RNF166: variants seen among roughly 807,000 people sequenced by gnomAD.
The protein encoded by RNF166 is E3 ubiquitin-protein ligase RNF166.
In RNF166, 19 loss-of-function variants were observed where a neutral mutation model predicts 29.4. That is an observed-to-expected ratio of 0.65 (90% CI 0.45 to 0.95). The LOEUF is 0.95. Among genes scored for constraint, RNF166 ranks in the 40% least tolerant of loss-of-function variants. The pLI, the probability that RNF166 is intolerant of heterozygous loss-of-function variation, is 0.00. For synonymous variants in RNF166, 171 were observed against 134.5 expected, an observed-to-expected ratio of 1.27 and a Z score of -1.88; for missense variants, 347 against 322.1, an observed-to-expected ratio of 1.08 and a Z score of -0.59.
chr16:88,701,520 CA>C (rs1597407993), intron 1 of RNF166, 102 bp from the exon 2 acceptor site: 1 of 1,143,998 alleles, frequency 8.7e-7, no homozygotes, highest in Non-Finnish European at 1.2e-6. Flanking sequence ...GTGGGGTCCA[CA>C]GGGGCAGCTC....
chr16:88,700,853 C>T (rs751883344), intron 2 of RNF166: 244 of 1,070,788 alleles, frequency 2.3e-4, no homozygotes, highest in Non-Finnish European at 2.7e-4. Context: ...GGAGGGTGCT[C>T]GGCCCTTAGA....
At position 88,699,767 on chromosome 16, in the gene RNF166, G is replaced by A. The variant is rs370730525; in HGVS notation, c.313-35C>T. The A allele has an allele frequency of 3.9e-6, 6 of 1,544,150 alleles. No individual in the cohort carries two copies. The African/African-American group carries it at 8.2e-5, about 21-fold the overall frequency. ...AGGGCAGGGAGGGCAAGGCGGTCCT[G>A]AGAATCTGGAAGGGCCGTCCTGGGG... On this transcript the variant is annotated intron_variant, in intron 2 of 5. Transcript: ENST00000312838.
intron 1 of RNF166, among the ~76,000 whole-genome samples, chr16:88,705,023 C>A (rs965660560): frequency 2.0e-5 from 3 of 152,212 alleles, no homozygotes; most frequent in Admixed American, 6.5e-5. Flanking sequence ...AGGCTGCCCC[C>A]CCAAAATGTC....
At chr16:88,702,486 C>T (rs1004186839) in intron 1 of RNF166, among the ~76,000 whole-genome samples, 5 of 152,198 alleles carry the variant, frequency 3.3e-5, no homozygotes, top group African/African-American at 1.2e-4. Flanking sequence ...AATTCAGGGC[C>T]AGAGTCCTCT....
At position 88,699,744 on chromosome 16, in the gene RNF166, G is replaced by C; in HGVS notation, c.313-12C>G. 1 of 1,603,678 alleles carries C rather than the reference G, an allele frequency of 6.2e-7. No individual in the cohort carries two copies. Among genetic ancestry groups the C allele is most frequent in the Non-Finnish European group, 8.5e-7 (1 of 1,172,488 alleles). On this transcript the variant is annotated splice_polypyrimidine_tract_variant and intron_variant, in intron 2 of 5. Coordinates refer to ENST00000312838, the MANE Select transcript of RNF166 (RefSeq NM_178841.4). ...TTTGCCAGGGTCACCTAGGAGACAG[G>C]GCAGGGAGGGCAAGGCGGTCCTGAG...
chr16:88,701,377 G>T lies in RNF166; in HGVS notation c.197C>A (p.Ser66Tyr). ...ECLQPCLQVP[S>Y]PLCPLCRLPF... ...CAGGCGGCAGAGTGGGCACAGCGGG[G>T]ATGGCACCTGCAGGCAGGGCTGGAG... is the stretch of plus-strand genomic sequence containing the variant. Residue 66 changes from serine (S) to tyrosine (Y), a missense_variant, in exon 2 of 6, where the codon TCC becomes TAC. Ser to Tyr is a moderately radical substitution (Grantham distance 144). Coordinates refer to ENST00000312838, the MANE Select transcript of RNF166 (RefSeq NM_178841.4). 6.2e-7 allele frequency: 1 copy of T among 1,611,864 alleles called. No individual in the cohort carries two copies. The highest frequency in any genetic ancestry group is 8.5e-7 in the Non-Finnish European group (1 of 1,179,554).
chr16:88,698,184 G>A (rs752284266), intron 5 of RNF166: 21 of 606,650 alleles, frequency 3.5e-5, no homozygotes, highest in African/African-American at 1.5e-4. Flanking sequence ...TCCTTCCCGC[G>A]CTCTCTAGAA....
intron 5 of RNF166, chr16:88,697,902 C>G: frequency 2.0e-6 from 1 of 491,324 alleles, no homozygotes; most frequent in East Asian, 3.5e-5. Flanking sequence ...CCGGGGTTTC[C>G]GAGGTGAGCA....
At chr16:88,704,710 C>T (rs1910593452) in intron 1 of RNF166, among the ~76,000 whole-genome samples, 1 of 152,216 alleles carries the variant, frequency 6.6e-6, no homozygotes, top group African/African-American at 2.4e-5. Context: ...GGAAGTCCTG[C>T]CAGGCGCGGT....
Position 88,702,998 on chromosome 16 carries a change from C to T in RNF166, c.156-1580G>A, listed in dbSNP as rs187459038. The T allele has an allele frequency of 1.1e-4, 108 of 985,582 alleles. 1 individual carries two copies. The highest frequency in any genetic ancestry group is 9.8e-4 in the Admixed American group (16 of 16,284). The allele number at this position is 985,582 out of a possible 1,614,324, so 61.1% of individuals were successfully genotyped here. A position where few individuals can be genotyped will look rare whatever the true frequency, so the allele number is the denominator to read the frequency against. ...GCCCGTCGGTAAACGGATGAAGAGA[C>T]GGCGTGGCGTGCACACCCATGGAAA... On this transcript the variant is annotated intron_variant, in intron 1 of 5. Transcript: ENST00000312838.
At chr16:88,699,107 G>C in intron 3 of RNF166, 22 bp from the exon 4 acceptor site, 10 of 1,500,044 alleles carry the variant, frequency 6.7e-6, no homozygotes, top group Non-Finnish European at 9.2e-6. Flanking sequence ...GGGGTAGAGT[G>C]AGTGGCACGG....
chr16:88,706,164 C>T lies in RNF166; in HGVS notation c.155+7G>A. ...CCTCCCCGCGGCCCCTGGGCGGGCG[C>T]GCTCACGTGTGGCCGCAGCTGCCGA... On this transcript the variant is annotated splice_region_variant and intron_variant, in intron 1 of 5. Transcript: ENST00000312838. 1.6e-6 allele frequency: 2 copies of T among 1,218,666 alleles called. No homozygotes were observed. Among genetic ancestry groups the T allele is most frequent in the Non-Finnish European group, 2.0e-6 (2 of 977,686 alleles). 75.5% of individuals were successfully genotyped at this position (1,218,666 alleles called of 1,614,324 possible). A position where few individuals can be genotyped will look rare whatever the true frequency, so the allele number is the denominator to read the frequency against.
Position 88,706,162 on chromosome 16 carries a change from C to A in RNF166, c.155+9G>T. 2 of 1,209,746 alleles carry A rather than the reference C, an allele frequency of 1.7e-6. No homozygotes were observed. The highest frequency in any genetic ancestry group is 2.1e-6 in the Non-Finnish European group (2 of 973,468). The allele number at this position is 1,209,746 out of a possible 1,614,324, so 74.9% of individuals were successfully genotyped here. On this transcript the variant is annotated intron_variant, in intron 1 of 5. Coordinates refer to ENST00000312838, the MANE Select transcript of RNF166 (RefSeq NM_178841.4). ...CCCCTCCCCGCGGCCCCTGGGCGGG[C>A]GCGCTCACGTGTGGCCGCAGCTGCC... is the stretch of plus-strand genomic sequence containing the variant.
intron 1 of RNF166, chr16:88,703,432 G>A: frequency 1.0e-6 from 1 of 985,492 alleles, no homozygotes; most frequent in South Asian, 4.7e-5. Flanking sequence ...GGTTGGCTGG[G>A]AGGAAGACAG....
At position 88,698,613 on chromosome 16, in the gene RNF166, G is replaced by C. The variant is rs377676787; in HGVS notation, c.541-4C>G. On this transcript the variant is annotated splice_polypyrimidine_tract_variant and splice_region_variant and intron_variant, in intron 4 of 5. Coordinates refer to ENST00000312838, the MANE Select transcript of RNF166 (RefSeq NM_178841.4). ...TTGCCGAGCAGATGGGGCACACCTGGAACAGGCACTGGGGTCAAGCCGAGC... is the reference window on the plus strand; with the variant it reads ...TTGCCGAGCAGATGGGGCACACCTGCAACAGGCACTGGGGTCAAGCCGAGC... 8.1e-5 allele frequency: 122 copies of C among 1,513,718 alleles called. No individual in the cohort carries two copies. In the African/African-American group the frequency reaches 1.3e-3, roughly 17 times the overall value. 93.8% of individuals were successfully genotyped at this position (1,513,718 alleles called of 1,614,324 possible).
At chr16:88,698,216 C>A (rs1227378079) in intron 5 of RNF166, 4 of 618,548 alleles carry the variant, frequency 6.5e-6, no homozygotes, top group South Asian at 1.9e-5. Context: ...GGAAGCCTGG[C>A]TCACCCTCGA....
chr16:88,696,552 A>G lies in RNF166; in HGVS notation c.*1016T>C. Reference sequence around the variant, plus strand: ...TTTTTTTTAAAAAAAAGACAGCAATAATTAATGCCAAGAACAGAAAAGAAT... The same window carrying G: ...TTTTTTTTAAAAAAAAGACAGCAATGATTAATGCCAAGAACAGAAAAGAAT... On this transcript the variant is annotated 3_prime_UTR_variant, in exon 6 of 6. Coordinates refer to ENST00000312838, the MANE Select transcript of RNF166 (RefSeq NM_178841.4). The G allele has an allele frequency of 4.5e-6, 2 of 441,662 alleles. No individual in the cohort carries two copies. The highest frequency in any genetic ancestry group is 9.0e-6 in the Non-Finnish European group (2 of 223,438). 27.4% of individuals were successfully genotyped at this position (441,662 alleles called of 1,614,324 possible).
intron 4 of RNF166, 117 bp from the exon 5 acceptor site, chr16:88,698,726 C>T (rs1393478298): frequency 2.5e-6 from 2 of 794,506 alleles, no homozygotes; most frequent in African/African-American, 3.5e-5. Context: ...GGAAGGCACC[C>T]CAGACCTGGA....
Position 88,699,305 on chromosome 16 carries a change from G to A in RNF166, c.426-220C>T, listed in dbSNP as rs1597403808. On this transcript the variant is annotated intron_variant, in intron 3 of 5. Transcript: ENST00000312838. ...ACAACTAGGCCAGCCAAACGGCAGA[G>A]ACTCTGCTGGCGCTGCCCTGGCAGG... Among the ~76,000 whole-genome samples, 10 of 152,374 alleles carry A rather than the reference G, an allele frequency of 6.6e-5. 3 individuals carry two copies. The highest frequency in any genetic ancestry group is 6.5e-4 in the Admixed American group (10 of 15,314).
Sources: gnomAD v4.1 joint callset for allele counts (sites outside exome capture counted in the v4.1 genomes callset) on GRCh38, gnomAD v4.1.1 for gene constraint, MANE v1.5 for transcripts, NCBI Gene and HGNC (gene_info 2026-07-23, HGNC 2026-07-21) for gene names.